The following MON2 variants were observed in gnomAD, a reference collection of about 807,000 sequenced individuals.
The protein encoded by MON2 is MON2 regulator of endosome-to-Golgi trafficking, also known as protein MON2 homolog.
In MON2, 84 loss-of-function variants were observed where a neutral mutation model predicts 208.6. That is an observed-to-expected ratio of 0.40 (90% CI 0.34 to 0.48). The LOEUF (loss-of-function observed/expected upper bound fraction) is 0.48. MON2 is among the 20% of genes least tolerant of loss of function. The pLI is 0.59. For synonymous variants in MON2, 660 were observed against 694.0 expected, an observed-to-expected ratio of 0.95 and a Z score of 0.77; for missense variants, 1,611 against 2,015.4, an observed-to-expected ratio of 0.80 and a Z score of 3.84.
chr12:62,498,974 C>T lies in MON2; in HGVS notation c.491C>T (p.Thr164Ile), dbSNP rs1239197453. 3 of 1,612,048 alleles carry T rather than the reference C, an allele frequency of 1.9e-6. No individual in the cohort carries two copies. Among genetic ancestry groups the T allele is most frequent in the African/African-American group, 1.3e-5 (1 of 74,934 alleles). ...ACAAAAGATAATATTACAAATAATA[C>T]AGCTGCTGCTACAGTGCGACAAGTT... The part of the protein sequence containing the change: ...HFTKDNITNN[T>I]AAATVRQVVT... The change falls in exon 5 of 35, where the codon ACA (threonine) becomes ATA (isoleucine). Residue 164 changes from threonine (T) to isoleucine (I), a missense_variant. Coordinates refer to ENST00000393630, the MANE Select transcript of MON2 (RefSeq NM_015026.3).
At chr12:62,497,066 C>T (rs2070539035) in intron 4 of MON2, among the ~76,000 whole-genome samples, 1 of 140,084 alleles carries the variant, frequency 7.1e-6, no homozygotes, top group Non-Finnish European at 1.5e-5. Context: ...AACAAAAAAC[C>T]AAACACCGCA....
chr12:62,541,485 G>A (rs1565664902), intron 19 of MON2, among the ~76,000 whole-genome samples: 1 of 151,894 alleles, frequency 6.6e-6, no homozygotes, highest in African/African-American at 2.4e-5. Context: ...TATTAAAGCA[G>A]CTGTTGTTCA....
chr12:62,552,499 ATTG>A (rs1344751038), intron 23 of MON2, among the ~76,000 whole-genome samples: 1 of 152,152 alleles, frequency 6.6e-6, no homozygotes, highest in African/African-American at 2.4e-5. Flanking sequence ...ATATTAAGGA[ATTG>A]TTAACATTGT....
chr12:62,544,139 G>A (rs905542968), intron 20 of MON2, among the ~76,000 whole-genome samples: 1 of 152,088 alleles, frequency 6.6e-6, no homozygotes, highest in African/African-American at 2.4e-5. Context: ...CCTAGGAAAG[G>A]TATTATTCTT....
intron 10 of MON2, 126 bp from the exon 11 acceptor site, chr12:62,525,823 T>A: frequency 1.4e-6 from 1 of 721,424 alleles, no homozygotes; most frequent in Non-Finnish European, 2.3e-6. Context: ...TTTCATTTAT[T>A]TCTGCAATAC....
intron 25 of MON2, among the ~76,000 whole-genome samples, chr12:62,558,793 G>A (rs1451605821): frequency 2.0e-5 from 3 of 151,378 alleles, no homozygotes; most frequent in African/African-American, 7.3e-5. Flanking sequence ...TGCCTCCTAG[G>A]TTCAAGCGAT....
intron 2 of MON2, among the ~76,000 whole-genome samples, chr12:62,491,124 A>G (rs940824330): frequency 6.6e-6 from 1 of 152,196 alleles, no homozygotes; most frequent in African/African-American, 2.4e-5. Flanking sequence ...TTGATACCAC[A>G]TACATTGAGT....
intron 8 of MON2, among the ~76,000 whole-genome samples, chr12:62,524,123 A>G (rs539366754): frequency 2.2e-4 from 33 of 152,202 alleles, no homozygotes; most frequent in Middle Eastern, 3.4e-3. Context: ...TTAGTAGCAA[A>G]AGAAAGTATG....
At chr12:62,579,262 A>G (rs952783426) in intron 31 of MON2, among the ~76,000 whole-genome samples, 2 of 152,034 alleles carry the variant, frequency 1.3e-5, no homozygotes, top group Non-Finnish European at 2.9e-5. Context: ...AAAAGTAAAA[A>G]AAATAAGTAA....
chr12:62,476,634 A>G (rs1453245433), intron 1 of MON2, among the ~76,000 whole-genome samples: 1 of 151,918 alleles, frequency 6.6e-6, no homozygotes, highest in Non-Finnish European at 1.5e-5. Flanking sequence ...ACGGGGTTTC[A>G]CTATGTTGGC....
intron 2 of MON2, among the ~76,000 whole-genome samples, chr12:62,485,083 A>G (rs181802952): frequency 6.6e-6 from 1 of 152,326 alleles, no homozygotes; most frequent in East Asian, 1.9e-4. Context: ...TGATAGAACC[A>G]GATTAAAATC....
At chr12:62,574,013 A>C (rs2074691477) in intron 30 of MON2, among the ~76,000 whole-genome samples, 1 of 152,168 alleles carries the variant, frequency 6.6e-6, no homozygotes, top group Non-Finnish European at 1.5e-5. Flanking sequence ...CAACCAGACT[A>C]CCTGGATTCA....
Position 62,518,955 on chromosome 12 carries a change from A to G in MON2, c.985-5560A>G, listed in dbSNP as rs1269268557. 2.0e-5 allele frequency among the ~76,000 whole-genome samples: 3 copies of G among 152,142 alleles called. No individual in the cohort carries two copies. In the South Asian group the frequency reaches 6.2e-4, roughly 31 times the overall value. On this transcript the variant is annotated intron_variant, in intron 8 of 34. Transcript: ENST00000393630. Reference sequence around the variant, plus strand: ...CTGGTAGTTGGGGGGCAAGCTATATATGGTTGATGTGTGATGCCTCTCTCT... The same window carrying G: ...CTGGTAGTTGGGGGGCAAGCTATATGTGGTTGATGTGTGATGCCTCTCTCT...
chr12:62,569,652 C>T (rs138946482), intron 29 of MON2, among the ~76,000 whole-genome samples: 1 of 152,230 alleles, frequency 6.6e-6, no homozygotes, highest in Non-Finnish European at 1.5e-5. Context: ...TGGTCCCATA[C>T]CCACTCTTGA....
At chr12:62,496,259 A>G (rs1285404674) in intron 4 of MON2, among the ~76,000 whole-genome samples, 1 of 152,026 alleles carries the variant, frequency 6.6e-6, no homozygotes, top group Non-Finnish European at 1.5e-5. Context: ...CTAGCTATCA[A>G]ATTATTGTTC....
At chr12:62,472,669 G>C (rs533425228) in intron 1 of MON2, among the ~76,000 whole-genome samples, 1 of 152,282 alleles carries the variant, frequency 6.6e-6, no homozygotes, top group East Asian at 1.9e-4. Context: ...CATTTAATCA[G>C]ATATTTAGGG....
intron 23 of MON2, among the ~76,000 whole-genome samples, chr12:62,550,511 G>T (rs965807902): frequency 5.3e-5 from 8 of 152,110 alleles, no homozygotes; most frequent in African/African-American, 1.9e-4. Context: ...AACAGACCCA[G>T]ACCTTGTCTC....
At chr12:62,563,853 T>G (rs1236740832) in intron 26 of MON2, among the ~76,000 whole-genome samples, 2 of 152,076 alleles carry the variant, frequency 1.3e-5, no homozygotes, top group Non-Finnish European at 2.9e-5. Context: ...TGTTAGACAT[T>G]GAAAATAAAA....
intron 26 of MON2, among the ~76,000 whole-genome samples, chr12:62,562,380 CATTT>C (rs1156238332): frequency 6.6e-6 from 1 of 151,516 alleles, no homozygotes; most frequent in Non-Finnish European, 1.5e-5. Context: ...AAAGTGGAAT[CATTT>C]ATCCCAACTA....
Sources: gnomAD v4.1 joint callset for allele counts (sites outside exome capture counted in the v4.1 genomes callset) on GRCh38, gnomAD v4.1.1 for gene constraint, MANE v1.5 for transcripts, NCBI Gene and HGNC (gene_info 2026-07-23, HGNC 2026-07-21) for gene names.